The following MYT1L variants were observed in gnomAD, a reference collection of about 807,000 sequenced individuals.
The protein encoded by MYT1L is myelin transcription factor 1 like, also known as myelin transcription factor 1-like protein.
MYT1L carries 12 observed loss-of-function variants against 126.7 expected under a neutral mutation model. That is an observed-to-expected ratio of 0.09 (90% CI 0.06 to 0.15). The LOEUF (loss-of-function observed/expected upper bound fraction) is 0.15. Ranked by LOEUF, MYT1L falls within the 10% of genes least tolerant of loss-of-function variation. The pLI is 1.00. For missense variants in MYT1L, 979 were observed against 1,585.2 expected, an observed-to-expected ratio of 0.62 and a Z score of 6.49; for synonymous variants, 541 against 604.2, an observed-to-expected ratio of 0.90 and a Z score of 1.53.
At chr2:2,234,210 T>C (rs900141972) in intron 2 of MYT1L, among the ~76,000 whole-genome samples, 2 of 152,344 alleles carry the variant, frequency 1.3e-5, no homozygotes, top group African/African-American at 2.4e-5. Flanking sequence ...ATAAAATTCA[T>C]ACATGTTGCC....
intron 14 of MYT1L, among the ~76,000 whole-genome samples, chr2:1,901,055 C>T (rs1458784949): frequency 1.3e-5 from 2 of 152,212 alleles, no homozygotes; most frequent in Non-Finnish European, 2.9e-5. Flanking sequence ...AAACCCATGG[C>T]ACTAGGCTAA....
At chr2:2,048,699 C>T (rs1017509192) in intron 4 of MYT1L, among the ~76,000 whole-genome samples, 1 of 152,200 alleles carries the variant, frequency 6.6e-6, no homozygotes, top group Non-Finnish European at 1.5e-5. Flanking sequence ...CCCCTTAGAT[C>T]TGAATCCCCC....
At chr2:2,264,480 A>T (rs2149303649) in intron 2 of MYT1L, among the ~76,000 whole-genome samples, 1 of 152,286 alleles carries the variant, frequency 6.6e-6, no homozygotes, top group South Asian at 2.1e-4. Context: ...AATGAAAGTT[A>T]AAAAATAGGT....
chr2:2,225,937 C>G (rs1381427812), intron 2 of MYT1L, among the ~76,000 whole-genome samples: 1 of 152,088 alleles, frequency 6.6e-6, no homozygotes, highest in East Asian at 1.9e-4. Context: ...AGAAGCTTGC[C>G]CCAGGTCAGA....
At chr2:2,140,262 A>G (rs150358273) in intron 3 of MYT1L, among the ~76,000 whole-genome samples, 2 of 152,250 alleles carry the variant, frequency 1.3e-5, no homozygotes, top group Non-Finnish European at 1.5e-5. Flanking sequence ...GCAAATTTAA[A>G]ATTTTTTACA....
At chr2:1,845,781 C>T (rs372136111) in intron 19 of MYT1L, among the ~76,000 whole-genome samples, 50 of 152,240 alleles carry the variant, frequency 3.3e-4, no homozygotes, top group Admixed American at 5.9e-4. Flanking sequence ...AAGCAAGTTC[C>T]GTTTGTAGCT....
Position 2,153,100 on chromosome 2 carries a change from C to G in MYT1L, c.-304+19772G>C, listed in dbSNP as rs548441021. 1.4e-4 allele frequency among the ~76,000 whole-genome samples: 21 copies of G among 152,196 alleles called. No individual in the cohort carries two copies. The South Asian group carries it at 4.2e-3, about 30-fold the overall frequency. On this transcript the variant is annotated intron_variant, in intron 3 of 24. Coordinates refer to ENST00000647738, the MANE Select transcript of MYT1L (RefSeq NM_001303052.2). ...GTTGCTTGAGGCCAGGTGTTCAGGA[C>G]CAGCCTGGACAAAATAGTGAGTCCC...
At chr2:2,316,022 T>A (rs2096059437) in intron 1 of MYT1L, among the ~76,000 whole-genome samples, 1 of 152,196 alleles carries the variant, frequency 6.6e-6, no homozygotes, top group South Asian at 2.1e-4. Flanking sequence ...TGGGTTGCTG[T>A]GTTAAATAAA....
At chr2:2,136,871 T>C (rs1008331212) in intron 3 of MYT1L, among the ~76,000 whole-genome samples, 1 of 152,164 alleles carries the variant, frequency 6.6e-6, no homozygotes, top group Non-Finnish European at 1.5e-5. Context: ...ATAAAGGGTA[T>C]TCAATCAGGA....
intron 19 of MYT1L, among the ~76,000 whole-genome samples, chr2:1,846,878 C>T (rs570458410): frequency 2.0e-5 from 3 of 152,318 alleles, no homozygotes; most frequent in South Asian, 2.1e-4. Context: ...GCCACCTCTC[C>T]GGATTTTGGC....
intron 2 of MYT1L, among the ~76,000 whole-genome samples, chr2:2,271,059 CTG>C (rs778403427): frequency 6.6e-6 from 1 of 152,218 alleles, no homozygotes; most frequent in Non-Finnish European, 1.5e-5. Flanking sequence ...GGTCCCGTGT[CTG>C]TGTGTGTACA....
chr2:1,891,010 AT>A (rs141331665), intron 15 of MYT1L, among the ~76,000 whole-genome samples: 1 of 151,178 alleles, frequency 6.6e-6, no homozygotes, highest in Non-Finnish European at 1.5e-5. Flanking sequence ...CTTTTATTTT[AT>A]TTTTTTTGTG....
chr2:2,034,363 G>A (rs2149965768), intron 4 of MYT1L, among the ~76,000 whole-genome samples: 1 of 108,072 alleles, frequency 9.3e-6, no homozygotes, highest in South Asian at 3.9e-4. Context: ...ACCCTCCAAT[G>A]CGGGTGCAGA....
At position 2,222,256 on chromosome 2, in the gene MYT1L, A is replaced by G. The variant is rs535710386; in HGVS notation, c.-420-49268T>C. On this transcript the variant is annotated intron_variant, in intron 2 of 24. Coordinates refer to ENST00000647738, the MANE Select transcript of MYT1L (RefSeq NM_001303052.2). The stretch of plus-strand genomic sequence containing the variant: ...CCTGTCTGTAATCCCACACTCTGGA[A>G]GGCTGAGGTGGGTGGATCACCTGAG... Among the ~76,000 whole-genome samples, 6 of 152,250 alleles carry G rather than the reference A, an allele frequency of 3.9e-5. No individual in the cohort carries two copies. In the East Asian group the frequency reaches 1.2e-3, roughly 29 times the overall value.
chr2:1,942,002 C>T (rs533387174), intron 9 of MYT1L, among the ~76,000 whole-genome samples: 3 of 152,272 alleles, frequency 2.0e-5, no homozygotes, highest in Middle Eastern at 3.4e-3. Context: ...AAACAACTAC[C>T]CTTTGTGTCC....
chr2:2,271,397 T>TGA (rs2095260492), intron 2 of MYT1L, among the ~76,000 whole-genome samples: 1 of 152,160 alleles, frequency 6.6e-6, no homozygotes, highest in Non-Finnish European at 1.5e-5. Context: ...TGATGTGATA[T>TGA]GATAAAGGAT....
chr2:1,944,878 C>T (rs932793339), intron 8 of MYT1L, among the ~76,000 whole-genome samples: 6 of 152,128 alleles, frequency 3.9e-5, no homozygotes, highest in African/African-American at 9.7e-5. Context: ...ATAATGAAAA[C>T]GTGCAGAGGG....
chr2:1,961,883 G>A (rs1442524946), intron 8 of MYT1L, among the ~76,000 whole-genome samples: 1 of 152,184 alleles, frequency 6.6e-6, no homozygotes, highest in Non-Finnish European at 1.5e-5. Flanking sequence ...ATGAACTAAG[G>A]TTAGATAGGT....
intron 2 of MYT1L, among the ~76,000 whole-genome samples, chr2:2,249,994 C>T (rs145000733): frequency 2.6e-5 from 4 of 152,116 alleles, no homozygotes; most frequent in East Asian, 1.9e-4. Context: ...CCAGTTACAA[C>T]GGCTTCTATC....
Sources: gnomAD v4.1 joint callset for allele counts (sites outside exome capture counted in the v4.1 genomes callset) on GRCh38, gnomAD v4.1.1 for gene constraint, MANE v1.5 for transcripts, NCBI Gene and HGNC (gene_info 2026-07-23, HGNC 2026-07-21) for gene names.